TRHDE: variants seen among roughly 807,000 people sequenced by gnomAD.
TRHDE encodes thyrotropin releasing hormone degrading enzyme.
TRHDE carries 72 observed loss-of-function variants against 125.7 expected under a neutral mutation model. The observed-to-expected ratio is 0.57, with a 90% CI of 0.47 to 0.70. The LOEUF is 0.70. TRHDE is among the 30% of genes least tolerant of loss of function. The pLI is 0.00. For missense variants in TRHDE, 1,110 were observed against 1,327.1 expected, an observed-to-expected ratio of 0.84 and a Z score of 2.54; for synonymous variants, 509 against 509.1, an observed-to-expected ratio of 1.00 and a Z score of 0.00.
chr12:72,186,716 C>A (rs544514349), intron 2 of TRHDE: 2 of 151,942 alleles, frequency 1.3e-5, no homozygotes, highest in South Asian at 4.2e-4. Context: ...TTGCCCATTG[C>A]CAAACAACAT....
intron 3 of TRHDE, among the ~76,000 whole-genome samples, chr12:72,406,743 T>C (rs2135808896): frequency 6.6e-6 from 1 of 152,340 alleles, no homozygotes; most frequent in East Asian, 1.9e-4. Context: ...GCACATCATG[T>C]AGTTTTACTT....
intron 2 of TRHDE, among the ~76,000 whole-genome samples, chr12:72,114,672 T>G (rs899631986): frequency 6.6e-6 from 1 of 152,034 alleles, no homozygotes; most frequent in East Asian, 1.9e-4. Context: ...CAGGGGTGTT[T>G]AAGGGTCAAC....
intron 2 of TRHDE, among the ~76,000 whole-genome samples, chr12:72,132,263 T>C (rs560666749): frequency 6.6e-6 from 1 of 152,186 alleles, no homozygotes; most frequent in Non-Finnish European, 1.5e-5. Context: ...GTAGTACTAG[T>C]AGTTAACAGC....
At chr12:72,362,623 C>T (rs1223459275) in intron 2 of TRHDE, among the ~76,000 whole-genome samples, 34 of 150,768 alleles carry the variant, frequency 2.3e-4, no homozygotes, top group African/African-American at 7.7e-4. Context: ...GTGTTTTAGA[C>T]ATGAAGTCCT....
At chr12:72,659,838 G>A (rs1281423230) in intron 18 of TRHDE, among the ~76,000 whole-genome samples, 2 of 152,088 alleles carry the variant, frequency 1.3e-5, no homozygotes, top group Non-Finnish European at 2.9e-5. Flanking sequence ...AAAAACTAAT[G>A]GTGTAGGGTC....
chr12:72,371,662 G>A (rs10784968), intron 2 of TRHDE, among the ~76,000 whole-genome samples: 47,223 of 151,354 alleles, frequency 0.31, 9,808 homozygotes, highest in African/African-American at 0.56. Context: ...TGTCCTTGGG[G>A]TAGTTTACTG....
rs1330235214 is a variant in TRHDE at position 72,500,512 on chromosome 12, C to T, written c.1722+877C>T. ...GTTCAAGTGATTCTCCTGCCTTAGC[C>T]TCCTGAGTAGCTGGGACTGCAGGCA... On this transcript the variant is annotated intron_variant, in intron 6 of 18. Transcript: ENST00000261180. Among the ~76,000 whole-genome samples, 4 of 152,136 alleles carry T rather than the reference C, an allele frequency of 2.6e-5. No homozygotes were observed. The South Asian group carries it at 8.3e-4, about 31-fold the overall frequency.
chr12:72,466,186 G>C (rs1027823334), intron 3 of TRHDE, among the ~76,000 whole-genome samples: 3 of 152,136 alleles, frequency 2.0e-5, no homozygotes, highest in Non-Finnish European at 4.4e-5. Context: ...TGTTAGTCAG[G>C]CTTTTGCTAT....
intron 15 of TRHDE, among the ~76,000 whole-genome samples, chr12:72,629,260 C>A (rs576606525): frequency 6.6e-6 from 1 of 151,458 alleles, no homozygotes; most frequent in Non-Finnish European, 1.5e-5. Context: ...TATTACTAGC[C>A]ATGCATAGAG....
chr12:72,181,509 T>C (rs573251190), intron 2 of TRHDE, among the ~76,000 whole-genome samples: 185 of 152,306 alleles, frequency 1.2e-3, no homozygotes, highest in Non-Finnish European at 2.3e-3. Context: ...CAAGCAACAA[T>C]AATTTAAATT....
At chr12:72,347,346 T>C (rs538165183) in intron 2 of TRHDE, among the ~76,000 whole-genome samples, 44 of 152,234 alleles carry the variant, frequency 2.9e-4, no homozygotes, top group Non-Finnish European at 5.6e-4. Context: ...TATTTATTCA[T>C]AGATGAGTAT....
At chr12:72,652,036 A>T (rs1390590484) in intron 15 of TRHDE, among the ~76,000 whole-genome samples, 4 of 152,132 alleles carry the variant, frequency 2.6e-5, no homozygotes, top group East Asian at 1.9e-4. Flanking sequence ...CCTTATTTTC[A>T]TGGGTTTGTG....
chr12:72,346,204 G>A (rs148670074), intron 2 of TRHDE, among the ~76,000 whole-genome samples: 6 of 152,162 alleles, frequency 3.9e-5, no homozygotes, highest in Non-Finnish European at 5.9e-5. Flanking sequence ...GCAAACTACC[G>A]TTTGGGCTAT....
intron 2 of TRHDE, among the ~76,000 whole-genome samples, chr12:72,149,361 C>T (rs1220179837): frequency 2.0e-5 from 3 of 152,094 alleles, no homozygotes; most frequent in African/African-American, 7.2e-5. Context: ...ATGTTCTATT[C>T]AATTCTTCAG....
At chr12:72,301,675 T>TCAAC (rs1868262231) in intron 2 of TRHDE, among the ~76,000 whole-genome samples, 1 of 151,798 alleles carries the variant, frequency 6.6e-6, no homozygotes, top group Admixed American at 6.6e-5. Flanking sequence ...GTAGATCTTG[T>TCAAC]AATGCAGTTG....
At chr12:72,362,666 A>G (rs1355947759) in intron 2 of TRHDE, among the ~76,000 whole-genome samples, 1 of 151,648 alleles carries the variant, frequency 6.6e-6, no homozygotes, top group African/African-American at 2.4e-5. Context: ...GGTAATGCCT[A>G]GGTTTTCTTC....
intron 3 of TRHDE, among the ~76,000 whole-genome samples, chr12:72,455,819 G>T (rs1875814504): frequency 6.6e-6 from 1 of 151,864 alleles, no homozygotes; most frequent in African/African-American, 2.4e-5. Context: ...TGGACCTCTT[G>T]GGACAGAACC....
chr12:72,161,387 C>G (rs565765897), intron 2 of TRHDE, among the ~76,000 whole-genome samples: 4 of 150,604 alleles, frequency 2.7e-5, no homozygotes, highest in African/African-American at 9.8e-5. Flanking sequence ...GAACTGAGAT[C>G]TCGCCACTGC....
chr12:72,636,355 T>C (rs1873750587), intron 15 of TRHDE, among the ~76,000 whole-genome samples: 1 of 151,566 alleles, frequency 6.6e-6, no homozygotes. Flanking sequence ...ATTGATTTTG[T>C]ATCCTGAGAC....
Sources: gnomAD v4.1 joint callset for allele counts (sites outside exome capture counted in the v4.1 genomes callset) on GRCh38, gnomAD v4.1.1 for gene constraint, MANE v1.5 for transcripts, NCBI Gene and HGNC (gene_info 2026-07-23, HGNC 2026-07-21) for gene names.